Variants in ASMT observed in about 807,000 individuals in gnomAD.
ASMT encodes the protein acetylserotonin O-methyltransferase.
Under a neutral mutation model 41.3 loss-of-function variants are expected in ASMT, and 53 were observed. The ratio of observed to expected loss-of-function variants is 1.28; its 90% CI spans 1.03 to 1.61. The LOEUF (loss-of-function observed/expected upper bound fraction) is 1.61, where lower values mean the gene tolerates loss of function less well. ASMT is among the 40% of genes most tolerant of loss of function. ASMT has a pLI of 0.00. For missense variants in ASMT, 531 were observed against 441.3 expected (o/e 1.20, Z -1.82); for synonymous variants, 231 against 184.8 (o/e 1.25, Z -2.03).
chrX:1,642,252 G>C lies in ASMT; in HGVS notation c.911-551G>C, dbSNP rs770494374. ...CCATCTTGATGGTTCATGAGGACTTGGGCACAGCCTCTGTGTGTGTGATGG... is the reference window on the plus strand; with the variant it reads ...CCATCTTGATGGTTCATGAGGACTTCGGCACAGCCTCTGTGTGTGTGATGG... On this transcript the variant is annotated intron_variant, in intron 8 of 8. Coordinates refer to ENST00000381241, the MANE Select transcript of ASMT (RefSeq NM_001171038.2). Among the ~76,000 whole-genome samples the C allele has an allele frequency of 4.3e-3, 642 of 150,504 alleles. 15 individuals are homozygous for C. Among genetic ancestry groups the C allele is most frequent in the Non-Finnish European group, 7.5e-3 (510 of 67,564 alleles).
At chrX:1,633,730 C>T (rs1934860747) in intron 7 of ASMT, among the ~76,000 whole-genome samples, 1 of 151,508 alleles carries the variant, frequency 6.6e-6, no homozygotes, top group African/African-American at 2.4e-5. Context: ...GCTCCGCCTC[C>T]CGGGTTCACA....
intron 1 of ASMT, among the ~76,000 whole-genome samples, chrX:1,621,255 C>G (rs1246781080): frequency 1.3e-5 from 2 of 152,174 alleles, no homozygotes; most frequent in African/African-American, 4.8e-5. Context: ...CTAAGGTTGC[C>G]TGAGCCTTGG....
intron 8 of ASMT, among the ~76,000 whole-genome samples, chrX:1,642,557 C>G (rs765194088): frequency 1.1e-4 from 17 of 149,666 alleles, no homozygotes; most frequent in Admixed American, 1.0e-3. Context: ...GAGGTCCATC[C>G]ATCCTGATGG....
Position 1,615,286 on chromosome X carries a change from G to A in ASMT, c.69+18G>A, listed in dbSNP as rs1202073607. The A allele has an allele frequency of 2.5e-6, 4 of 1,578,550 alleles. No individual in the cohort carries two copies. In the East Asian group the frequency reaches 9.2e-5, roughly 36 times the overall value. Reference sequence around the variant, plus strand: ...TGTCCCAGGTAGGATACGCTCTGTGGGACAAGGGGGAATAGACTTCCGTTC... The same window carrying A: ...TGTCCCAGGTAGGATACGCTCTGTGAGACAAGGGGGAATAGACTTCCGTTC... On this transcript the variant is annotated intron_variant, in intron 1 of 8. Transcript: ENST00000381241.
At chrX:1,616,951 G>A (rs369602113) in intron 1 of ASMT, among the ~76,000 whole-genome samples, 3,420 of 151,760 alleles carry the variant, frequency 0.023, 120 homozygotes, top group African/African-American at 0.078. Flanking sequence ...CTCATGATCC[G>A]CCCGCCTCGG....
intron 3 of ASMT, among the ~76,000 whole-genome samples, chrX:1,627,493 C>T (rs1264612374): frequency 9.0e-5 from 13 of 143,928 alleles, no homozygotes; most frequent in African/African-American, 1.8e-4. Flanking sequence ...TGGTGGCGGG[C>T]GCCTATAGTC....
Position 1,616,641 on chromosome X carries a change from G to A in ASMT, c.69+1373G>A, listed in dbSNP as rs1463206972. Among the ~76,000 whole-genome samples the A allele has an allele frequency of 4.6e-5, 7 of 151,386 alleles. 1 individual carries two copies. In the South Asian group the frequency reaches 8.3e-4, roughly 18 times the overall value. ...TCCCAACGGTTTGGGGGTCCGAAAC[G>A]AGGGAATCGCTTTAGCCCAGGAATT... On this transcript the variant is annotated intron_variant, in intron 1 of 8. Transcript: ENST00000381241.
At chrX:1,636,222 G>T in intron 7 of ASMT, 1 of 667,974 alleles carries the variant, frequency 1.5e-6, no homozygotes, top group Admixed American at 2.2e-5. Context: ...CTCCCAAAGT[G>T]CTAGGATTAC....
At chrX:1,619,310 C>T (rs768728577) in intron 1 of ASMT, among the ~76,000 whole-genome samples, 19 of 150,020 alleles carry the variant, frequency 1.3e-4, no homozygotes, top group South Asian at 1.1e-3. Flanking sequence ...ACGAGAATGG[C>T]GTGAACCCGG....
chrX:1,616,999 T>C lies in ASMT; in HGVS notation c.69+1731T>C, dbSNP rs747178250. On this transcript the variant is annotated intron_variant, in intron 1 of 8. Coordinates refer to ENST00000381241, the MANE Select transcript of ASMT (RefSeq NM_001171038.2). ...CTGGGATTACAGGCGTGAGCCACTG[T>C]GCCTGGCCAAAAATATTTTAAAAAT... 9.0e-3 allele frequency among the ~76,000 whole-genome samples: 1,368 copies of C among 151,978 alleles called. 8 individuals are homozygous for C. The highest frequency in any genetic ancestry group is 0.015 in the Non-Finnish European group (1,037 of 67,964).
intron 4 of ASMT, among the ~76,000 whole-genome samples, chrX:1,628,810 C>G (rs1223695226): frequency 1.1e-5 from 1 of 90,876 alleles, no homozygotes; most frequent in East Asian, 3.3e-4. Flanking sequence ...ACCTGCCTCT[C>G]TCCTTCTCCT....
rs373013930 is a variant in ASMT, at chrX:1,634,658, C to CA, written c.787+1368_787+1369insA. Among the ~76,000 whole-genome samples the CA allele has an allele frequency of 1.7e-3, 256 of 150,440 alleles. 2 individuals carry two copies. The highest frequency in any genetic ancestry group is 5.5e-3 in the African/African-American group (224 of 40,968). ...AACACAGGCCTGCTGAGTTAACCCC[C>CA]CCCCTTTTTTTTTCTTGTTTTTTTG... On this transcript the variant is annotated intron_variant, in intron 7 of 8. Coordinates refer to ENST00000381241, the MANE Select transcript of ASMT (RefSeq NM_001171038.2).
chrX:1,615,223 C>T lies in ASMT; in HGVS notation c.24C>T (p.Ala8=), dbSNP rs772122784. Residue 8 remains alanine (A), a synonymous_variant, in exon 1 of 9, where the codon GCC becomes GCT. Coordinates refer to ENST00000381241, the MANE Select transcript of ASMT (RefSeq NM_001171038.2). MGSSEDQ[A]YRLLNDYANG... ...AGATGGGATCCTCAGAGGACCAGGC[C>T]TATCGCCTCCTTAATGACTACGCCA... The T allele has an allele frequency of 3.8e-6, 6 of 1,598,142 alleles. No individual in the cohort carries two copies. Among genetic ancestry groups the T allele is most frequent in the Non-Finnish European group, 5.1e-6 (6 of 1,172,518 alleles).
chrX:1,623,386 T>G (rs1462820562), intron 2 of ASMT, 73 bp downstream of exon 2: 5 of 1,567,604 alleles, frequency 3.2e-6, no homozygotes, highest in Non-Finnish European at 4.4e-6. Context: ...CTGTAAAAAG[T>G]GAAACAGTCT....
chrX:1,629,722 G>A (rs1247660237), intron 4 of ASMT, 99 bp from the exon 5 acceptor site: 5 of 1,070,182 alleles, frequency 4.7e-6, no homozygotes, highest in Non-Finnish European at 5.9e-6. Flanking sequence ...GTGCACCTGT[G>A]GGGTATAGCT....
At position 1,615,142 on chromosome X, in the gene ASMT, TGCTCCTTGAAGCAAGC is replaced by T; in HGVS notation, c.-52_-37del. On this transcript the variant is annotated 5_prime_UTR_variant, in exon 1 of 9. Coordinates refer to ENST00000381241, the MANE Select transcript of ASMT (RefSeq NM_001171038.2). ...TTCCCCACCTTGCCAGCAGGCTCTG[TGCTCCTTGAAGCAAGC>T]GCTCCAGAGGCTCCGGAAGCCACGG... 6.6e-7 allele frequency: 1 copy of T among 1,504,910 alleles called. No homozygotes were observed. The highest frequency in any genetic ancestry group is 9.1e-7 in the Non-Finnish European group (1 of 1,102,970). The allele number at this position is 1,504,910 out of a possible 1,614,324, so 93.2% of individuals were successfully genotyped here. A position where few individuals can be genotyped will look rare whatever the true frequency, so the allele number is the denominator to read the frequency against.
At chrX:1,623,056 G>T in intron 1 of ASMT, 83 bp from the exon 2 acceptor site, 1 of 1,397,826 alleles carries the variant, frequency 7.2e-7, no homozygotes, top group Non-Finnish European at 1.0e-6. Context: ...TTCCTCCCTA[G>T]CCTGCCATGG....
Position 1,627,729 on chromosome X carries a change from C to T in ASMT, c.401C>T (p.Thr134Met), listed in dbSNP as rs139938699. ...VREGRNQYLETFGVPAEELFT... is the reference protein window; with the variant it reads ...VREGRNQYLEMFGVPAEELFT... ...GAAGGAAGGAACCAGTACCTGGAGACGTTTGGCGTTCCCGCTGAAGAGCTT... is the reference window on the plus strand; with the variant it reads ...GAAGGAAGGAACCAGTACCTGGAGATGTTTGGCGTTCCCGCTGAAGAGCTT... Residue 134 changes from threonine (T) to methionine (M), a missense_variant, in exon 4 of 9, where the codon ACG (threonine) becomes ATG (methionine). Physicochemically the swap from Thr to Met is moderately conservative, Grantham distance 81. Transcript: ENST00000381241. The T allele has an allele frequency of 7.4e-6, 12 of 1,613,814 alleles. No individual in the cohort carries two copies. The African/African-American group carries it at 8.0e-5, about 11-fold the overall frequency.
In ASMT at chrX:1,619,591, A is replaced by ATAAAAAAAAGT. The variant is rs1569370450; in HGVS notation, c.70-3548_70-3547insTAAAAAAAAGT. Among the ~76,000 whole-genome samples, 136 of 147,184 alleles carry ATAAAAAAAAGT rather than the reference A, an allele frequency of 9.2e-4. 1 individual carries two copies. Among genetic ancestry groups the ATAAAAAAAAGT allele is most frequent in the African/African-American group, 3.2e-3 (128 of 40,376 alleles). On this transcript the variant is annotated intron_variant, in intron 1 of 8. Transcript: ENST00000381241. ...TAATAATAATAATAATAATAATAAAAAGTCTTTGGGAGCAGAAAAAAAAAA... is the reference window on the plus strand; with the variant it reads ...TAATAATAATAATAATAATAATAAAATAAAAAAAAGTAGTCTTTGGGAGCAGAAAAAAAAAA...
Sources: allele counts gnomAD v4.1 joint callset (sites outside exome capture counted in the v4.1 genomes callset), GRCh38; gene constraint gnomAD v4.1.1; transcripts MANE v1.5; gene names NCBI Gene and HGNC (gene_info 2026-07-23, HGNC 2026-07-21).